CIT: variants seen among roughly 807,000 people sequenced by gnomAD.
The protein encoded by CIT is citron rho-interacting serine/threonine kinase.
CIT carries 79 observed loss-of-function variants against 272.7 expected under a neutral mutation model. The observed-to-expected ratio is 0.29, with a 90% CI of 0.24 to 0.35. CIT has a LOEUF of 0.35. Ranked by LOEUF, CIT falls within the 10% of genes least tolerant of loss-of-function variation. CIT has a pLI of 1.00. For synonymous variants in CIT, 948 were observed against 995.6 expected (o/e 0.95, Z 0.90); for missense variants, 1,909 against 2,618.3 (o/e 0.73, Z 5.91).
intron 3 of CIT, 91 bp downstream of exon 3, chr12:119,868,969 C>T: frequency 6.9e-7 from 1 of 1,458,466 alleles, no homozygotes; most frequent in Non-Finnish European, 9.4e-7. Flanking sequence ...TTCTTACCGA[C>T]TACTATCAAC....
At chr12:119,871,243 G>A (rs990562607) in intron 2 of CIT, among the ~76,000 whole-genome samples, 15 of 152,030 alleles carry the variant, frequency 9.9e-5, no homozygotes, top group Admixed American at 9.8e-4. Context: ...TCCAGTCCCA[G>A]ACATAATCCC....
intron 24 of CIT, among the ~76,000 whole-genome samples, chr12:119,741,222 GA>G (rs553046003): frequency 3.3e-5 from 5 of 149,678 alleles, no homozygotes; most frequent in African/African-American, 1.2e-4. Flanking sequence ...ACATTTAAGC[GA>G]AAAAAAAAGC....
At chr12:119,740,724 C>G (rs373016256) in intron 24 of CIT, among the ~76,000 whole-genome samples, 1 of 152,038 alleles carries the variant, frequency 6.6e-6, no homozygotes, top group African/African-American at 2.4e-5. Flanking sequence ...ATCATTCACG[C>G]GCATGTATGT....
intron 10 of CIT, among the ~76,000 whole-genome samples, chr12:119,798,226 C>T (rs1965905695): frequency 1.3e-5 from 2 of 152,308 alleles, no homozygotes; most frequent in African/African-American, 4.8e-5. Flanking sequence ...TGCCTGTCAG[C>T]TCCCATCACA....
chr12:119,772,348 A>C (rs1963253785), intron 17 of CIT, among the ~76,000 whole-genome samples: 1 of 152,230 alleles, frequency 6.6e-6, no homozygotes, highest in South Asian at 2.1e-4. Flanking sequence ...AGAGGCCCAA[A>C]AATATAGATC....
intron 41 of CIT, 100 bp downstream of exon 41, chr12:119,704,263 G>T: frequency 8.9e-7 from 1 of 1,119,090 alleles, no homozygotes. Context: ...AAGGAACCCA[G>T]TACAGGCTGT....
At chr12:119,829,545 C>T (rs185938976) in intron 7 of CIT, among the ~76,000 whole-genome samples, 18 of 152,254 alleles carry the variant, frequency 1.2e-4, no homozygotes, top group Middle Eastern at 3.4e-3. Flanking sequence ...CACTCCTACA[C>T]AAATCTAAAA....
At chr12:119,832,192 C>G (rs1002709687) in intron 7 of CIT, among the ~76,000 whole-genome samples, 8 of 152,112 alleles carry the variant, frequency 5.3e-5, no homozygotes, top group African/African-American at 1.9e-4. Flanking sequence ...AAACTCTAAT[C>G]TTTTTTTACT....
chr12:119,778,384 C>A (rs1214602142), intron 13 of CIT, among the ~76,000 whole-genome samples: 1 of 152,066 alleles, frequency 6.6e-6, no homozygotes, highest in Non-Finnish European at 1.5e-5. Flanking sequence ...TTTATGTAAT[C>A]CAAGGTGACT....
intron 8 of CIT, among the ~76,000 whole-genome samples, chr12:119,824,243 A>G (rs1290605816): frequency 6.6e-6 from 1 of 151,702 alleles, no homozygotes; most frequent in Non-Finnish European, 1.5e-5. Context: ...AGTATATCGA[A>G]AAATCAAGAG....
intron 47 of CIT, among the ~76,000 whole-genome samples, chr12:119,688,773 C>T (rs1234328267): frequency 1.3e-5 from 2 of 152,236 alleles, no homozygotes; most frequent in East Asian, 1.9e-4. Context: ...CATTCATGCA[C>T]ATGATTTAAA....
At position 119,712,683 on chromosome 12, in the gene CIT, G is replaced by A. The variant is rs201052166; in HGVS notation, c.4592C>T (p.Pro1531Leu). The change falls in exon 36 of 48, where the codon CCG (proline) becomes CTG (leucine). Residue 1531 changes from proline (P) to leucine (L), a missense_variant. This residue lies in a region of CIT where 780 missense variants were observed against 1,067.2 expected (regional missense o/e 0.73). Transcript: ENST00000392521. This position sits in a 1 kb window ranked among gnomAD's most constrained non-coding sequence, Gnocchi z 5.2. ...DNEAREAGQRPVEEFELCLPD... is the reference protein window; with the variant it reads ...DNEAREAGQRLVEEFELCLPD... The stretch of plus-strand genomic sequence containing the variant: ...AAGGCACAGCTCAAATTCTTCCACC[G>A]GCCTCTGTCCAGCTTGGTGCAAAGA... The A allele has an allele frequency of 2.4e-5, 39 of 1,613,986 alleles. No individual in the cohort carries two copies. Among genetic ancestry groups the A allele is most frequent in the South Asian group, 7.7e-5 (7 of 91,068 alleles).
intron 7 of CIT, among the ~76,000 whole-genome samples, chr12:119,828,688 G>A (rs968361620): frequency 3.3e-5 from 5 of 151,672 alleles, no homozygotes; most frequent in East Asian, 1.9e-4. Context: ...TCAGCCTCCC[G>A]AATAGCTGGG....
intron 39 of CIT, among the ~76,000 whole-genome samples, chr12:119,709,770 G>GAGAA (rs1220709423): frequency 0.017 from 931 of 54,360 alleles, 2 homozygotes; most frequent in African/African-American, 0.062. Context: ...GAAAGAGAGA[G>GAGAA]AGAGAGAGAG....
At chr12:119,734,493 G>A in intron 25 of CIT, 136 bp from the exon 26 acceptor site, 1 of 907,906 alleles carries the variant, frequency 1.1e-6, no homozygotes, top group Non-Finnish European at 1.7e-6. Context: ...TGCTTCTGCA[G>A]CCCAAGGGGA....
chr12:119,714,861 C>A (rs751412529), intron 32 of CIT, among the ~76,000 whole-genome samples: 3 of 152,124 alleles, frequency 2.0e-5, no homozygotes, highest in Non-Finnish European at 2.9e-5. Context: ...ACATATGTAC[C>A]CACAAAAATC....
At chr12:119,852,067 G>T (rs528000963) in intron 4 of CIT, among the ~76,000 whole-genome samples, 1 of 152,180 alleles carries the variant, frequency 6.6e-6, no homozygotes, top group African/African-American at 2.4e-5. Context: ...CACGAAGGAG[G>T]AAGGAGTAAC....
intron 3 of CIT, among the ~76,000 whole-genome samples, chr12:119,866,024 C>A (rs1210470424): frequency 6.6e-6 from 1 of 152,094 alleles, no homozygotes; most frequent in South Asian, 2.1e-4. Flanking sequence ...ACGCATCCCC[C>A]ATTCCATGAG....
rs749992069 is a variant in CIT at position 119,700,763 on chromosome 12, G to A, written c.5605C>T (p.Arg1869Cys). Residue 1869 changes from arginine (R) to cysteine (C), a missense_variant, in exon 44 of 48, where the codon CGC becomes TGC. Physicochemically the swap from Arg to Cys is radical, Grantham distance 180. Transcript: ENST00000392521. ...RSRTDDLKWS[R>C]LPLAFAYREP... ...CACGTACCAAAGGCCAAAGGTAAGCGACTCCACTTGAGATCGTCTGTGCGG... is the reference window on the plus strand; with the variant it reads ...CACGTACCAAAGGCCAAAGGTAAGCAACTCCACTTGAGATCGTCTGTGCGG... The A allele has an allele frequency of 8.7e-6, 14 of 1,613,758 alleles. No individual in the cohort carries two copies. Among genetic ancestry groups the A allele is most frequent in the African/African-American group, 2.7e-5 (2 of 74,886 alleles).
Sources: gnomAD v4.1 joint callset for allele counts (sites outside exome capture counted in the v4.1 genomes callset) on GRCh38, gnomAD v4.1.1 for gene constraint, gnomAD v4.1.1 regional missense constraint, Gnocchi (gnomAD v3.1) non-coding constraint, MANE v1.5 for transcripts, NCBI Gene and HGNC (gene_info 2026-07-23, HGNC 2026-07-21) for gene names.